SRPRA: variants seen among roughly 807,000 people sequenced by gnomAD.
SRPRA encodes SRP receptor subunit alpha.
SRPRA carries 30 observed loss-of-function variants against 61.1 expected under a neutral mutation model. That is an observed-to-expected ratio of 0.49 (90% CI 0.37 to 0.67). The LOEUF is 0.67. Among genes scored for constraint, SRPRA ranks in the 30% least tolerant of loss-of-function variants. The pLI, the probability that SRPRA is intolerant of heterozygous loss-of-function variation, is 0.00. For missense variants in SRPRA, 759 were observed against 828.4 expected (o/e 0.92, Z 1.03); for synonymous variants, 324 against 299.7 (o/e 1.08, Z -0.84).
Position 126,267,806 on chromosome 11 carries a change from A to C in SRPRA, c.202-94T>G. On this transcript the variant is annotated intron_variant, in intron 2 of 13. Transcript: ENST00000332118. The surrounding 1 kb of genome is among the most constrained non-coding windows in gnomAD (Gnocchi z 4.2). ...AACCCTGGCTTTCAGAGATAGGTTC[A>C]GCTACCTGGCCGGTTTCCCTGTCCT... The C allele has an allele frequency of 1.3e-6, 2 of 1,549,906 alleles. No individual in the cohort carries two copies. Among genetic ancestry groups the C allele is most frequent in the Non-Finnish European group, 1.8e-6 (2 of 1,136,044 alleles).
At chr11:126,241,976 G>C in the SRPRA span, among the ~76,000 whole-genome samples, 1 of 149,598 alleles carries the variant, frequency 6.7e-6, no homozygotes, top group Non-Finnish European at 1.5e-5. Context: ...ACTGAGTTGC[G>C]GTCGCGCCAC....
chr11:126,241,483 C>T, the SRPRA span, among the ~76,000 whole-genome samples: 1 of 152,144 alleles, frequency 6.6e-6, no homozygotes, highest in African/African-American at 2.4e-5. Flanking sequence ...GAAGGAATTG[C>T]ACCTTATTTT....
the SRPRA span, among the ~76,000 whole-genome samples, chr11:126,247,215 C>T: frequency 2.0e-5 from 3 of 152,096 alleles, no homozygotes; most frequent in Non-Finnish European, 4.4e-5. Context: ...TTGCTTGAGC[C>T]CAGCAGGTCA....
In SRPRA at chr11:126,267,728, A is replaced by C. The variant is rs2135244428; in HGVS notation, c.202-16T>G. ...GAAAACCAACCTGTTTAGGGGAAGA[A>C]ACAGCCAACAGATCTGCTTACATAC... On this transcript the variant is annotated splice_polypyrimidine_tract_variant and intron_variant, in intron 2 of 13. Transcript: ENST00000332118. The surrounding 1 kb of genome is among the most constrained non-coding windows in gnomAD (Gnocchi z 4.2). 6.2e-7 allele frequency: 1 copy of C among 1,613,786 alleles called. No homozygotes were observed. Among genetic ancestry groups the C allele is most frequent in the African/African-American group, 1.3e-5 (1 of 75,036 alleles).
chr11:126,264,567 A>T lies in SRPRA; in HGVS notation c.1526-28T>A. The T allele has an allele frequency of 6.2e-7, 1 of 1,610,086 alleles. No homozygotes were observed. The highest frequency in any genetic ancestry group is 8.5e-7 in the Non-Finnish European group (1 of 1,178,982). ...AGAGAAAGAAAGTAGTCAACTCTGA[A>T]CACCTGGACTACCACTCATGCTCGT... On this transcript the variant is annotated intron_variant, in intron 11 of 13. Coordinates refer to ENST00000332118, the MANE Select transcript of SRPRA (RefSeq NM_003139.4). This position sits in a 1 kb window ranked among gnomAD's most constrained non-coding sequence, Gnocchi z 5.0.
At chr11:126,239,120 C>T in the SRPRA span, among the ~76,000 whole-genome samples, 95 of 151,922 alleles carry the variant, frequency 6.3e-4, no homozygotes, top group African/African-American at 2.1e-3. Flanking sequence ...GGACTACAGA[C>T]GTGCCTAATT....
At chr11:126,238,502 G>T in the SRPRA span, among the ~76,000 whole-genome samples, 7 of 152,174 alleles carry the variant, frequency 4.6e-5, no homozygotes, top group Admixed American at 4.6e-4. Flanking sequence ...GGGGATAGGG[G>T]TGCAGGTACA....
At chr11:126,240,906 G>A in the SRPRA span, 9 of 1,614,078 alleles carry the variant, frequency 5.6e-6, no homozygotes, top group Non-Finnish European at 6.8e-6. Context: ...CCTGGAAGGG[G>A]TTAATTCAGG....
Position 126,263,682 on chromosome 11 carries a change from G to C in SRPRA, c.*234C>G, listed in dbSNP as rs1407044951. 3.7e-6 allele frequency: 2 copies of C among 535,360 alleles called. No homozygotes were observed. 33.2% of individuals were successfully genotyped at this position (535,360 alleles called of 1,614,324 possible). A position where few individuals can be genotyped will look rare whatever the true frequency, so the allele number is the denominator to read the frequency against. ...AGTGAAGGGGGTGCCTGAGTAGGAAGGGGGAGGCCCGCTGGGAGAGGGTCA... is the reference window on the plus strand; with the variant it reads ...AGTGAAGGGGGTGCCTGAGTAGGAACGGGGAGGCCCGCTGGGAGAGGGTCA... On this transcript the variant is annotated 3_prime_UTR_variant, in exon 14 of 14. Coordinates refer to ENST00000332118, the MANE Select transcript of SRPRA (RefSeq NM_003139.4).
Position 126,264,503 on chromosome 11 carries a change from G to A in SRPRA, c.1562C>T (p.Thr521Met). The A allele has an allele frequency of 2.5e-6, 4 of 1,613,618 alleles. No individual in the cohort carries two copies. The highest frequency in any genetic ancestry group is 1.8e-4 in the Middle Eastern group (1 of 5,644). The change falls in exon 12 of 14, where the codon ACG (threonine) becomes ATG (methionine). Residue 521 changes from threonine (T) to methionine (M), a missense_variant. Thr to Met is a moderately conservative substitution (Grantham distance 81). Coordinates refer to ENST00000332118, the MANE Select transcript of SRPRA (RefSeq NM_003139.4). The surrounding 1 kb of genome is among the most constrained non-coding windows in gnomAD (Gnocchi z 5.0). ...GGCATTGTCTTGCATGCGGCCTGCC[G>A]TGTCCACCAGCACCACGTCAAAGCC... is the stretch of plus-strand genomic sequence containing the variant. ...NQGFDVVLVD[T>M]AGRMQDNAPL...
chr11:126,238,535 A>G, the SRPRA span, among the ~76,000 whole-genome samples: 1 of 152,098 alleles, frequency 6.6e-6, no homozygotes. Context: ...AGAGTCTGAA[A>G]AGCTTCCTCT....
downstream of SRPRA, among the ~76,000 whole-genome samples, chr11:126,259,636 A>T (rs1490173448): frequency 2.0e-5 from 3 of 151,574 alleles, no homozygotes; most frequent in South Asian, 4.2e-4. Context: ...CATGTTGGCC[A>T]GGATGGTCTC....
the SRPRA span, among the ~76,000 whole-genome samples, chr11:126,243,975 A>G: frequency 1.3e-5 from 2 of 151,786 alleles, no homozygotes; most frequent in African/African-American, 4.8e-5. Flanking sequence ...AAACCACATG[A>G]TTTTCTCAGT....
chr11:126,266,204 T>C lies in SRPRA; in HGVS notation c.915A>G (p.Gln305=). ...CSSSDDEGAA[Q]NSTKPSATKG... ...TCCCCTACCTAGGTTTGGTAGAGTT[T>C]TGAGCAGCCCCTTCGTCATCAGAGC... The change falls in exon 7 of 14, where the codon CAA becomes CAG. Residue 305 remains glutamine, a synonymous_variant. Coordinates refer to ENST00000332118, the MANE Select transcript of SRPRA (RefSeq NM_003139.4). 1 of 1,614,126 alleles carries C rather than the reference T, an allele frequency of 6.2e-7. No individual in the cohort carries two copies.
chr11:126,262,321 T>G, downstream of SRPRA: 1 of 594,512 alleles, frequency 1.7e-6, no homozygotes, highest in South Asian at 2.0e-5. Flanking sequence ...TTCTTGATAT[T>G]CTGCCGCCTG....
In SRPRA at chr11:126,268,609, G is replaced by A. The variant is rs954775896; in HGVS notation, c.117+79C>T. On this transcript the variant is annotated intron_variant, in intron 1 of 13. Transcript: ENST00000332118. ...AGGTGGGCGGGGAGGGTGGGAGGAG[G>A]CGCGGAATAGAGTCGAAGGGGACCA... 1.2e-5 allele frequency: 15 copies of A among 1,218,660 alleles called. No individual in the cohort carries two copies. The African/African-American group carries it at 2.0e-4, about 16-fold the overall frequency. 75.5% of individuals were successfully genotyped at this position (1,218,660 alleles called of 1,614,324 possible). A position where few individuals can be genotyped will look rare whatever the true frequency, so the allele number is the denominator to read the frequency against.
chr11:126,255,490 T>C, the SRPRA span, among the ~76,000 whole-genome samples: 7 of 151,732 alleles, frequency 4.6e-5, no homozygotes, highest in South Asian at 4.2e-4. This position sits in a 1 kb window ranked among gnomAD's most constrained non-coding sequence, Gnocchi z 4.6. Flanking sequence ...TGTATATGTA[T>C]ACACACACAC....
Position 126,263,730 on chromosome 11 carries a change from T to G in SRPRA, c.*186A>C. 1.2e-6 allele frequency: 1 copy of G among 809,780 alleles called. No individual in the cohort carries two copies. The highest frequency in any genetic ancestry group is 1.9e-6 in the Non-Finnish European group (1 of 515,396). The allele number at this position is 809,780 out of a possible 1,614,324, so 50.2% of individuals were successfully genotyped here. A position where few individuals can be genotyped will look rare whatever the true frequency, so the allele number is the denominator to read the frequency against. On this transcript the variant is annotated 3_prime_UTR_variant, in exon 14 of 14. Transcript: ENST00000332118. ...TCAGTGGGCAGTGATTGTAACATGA[T>G]TAGGCCTTCCTTGCAGATGGCGGCT...
chr11:126,252,150 C>T, the SRPRA span, among the ~76,000 whole-genome samples: 1 of 151,882 alleles, frequency 6.6e-6, no homozygotes, highest in East Asian at 1.9e-4. This position sits in a 1 kb window ranked among gnomAD's most constrained non-coding sequence, Gnocchi z 4.7. Flanking sequence ...TCACGTCTGG[C>T]TAATTTTTGT....
Sources: allele counts gnomAD v4.1 joint callset (sites outside exome capture counted in the v4.1 genomes callset), GRCh38; gene constraint gnomAD v4.1.1; non-coding constraint Gnocchi (gnomAD v3.1); transcripts MANE v1.5; gene names NCBI Gene and HGNC (gene_info 2026-07-23, HGNC 2026-07-21).